TIE1: variants seen among roughly 807,000 people sequenced by gnomAD.
The protein encoded by TIE1 is tyrosine-protein kinase receptor Tie-1.
In TIE1, 89 loss-of-function variants were observed where a neutral mutation model predicts 130.5. The ratio of observed to expected loss-of-function variants is 0.68; its 90% CI spans 0.57 to 0.81. The LOEUF is 0.81. Among genes scored for constraint, TIE1 ranks in the 40% least tolerant of loss-of-function variants. The pLI is 0.00. For missense variants in TIE1, 1,392 were observed against 1,559.8 expected (o/e 0.89, Z 1.81); for synonymous variants, 568 against 629.4 (o/e 0.90, Z 1.46).
rs950460846 is a variant in TIE1 at position 43,314,053 on chromosome 1, T to G, written c.2409+85T>G. On this transcript the variant is annotated intron_variant, in intron 14 of 22. Transcript: ENST00000372476. The stretch of plus-strand genomic sequence containing the variant: ...GTGTACACACAATACCTTGTACACC[T>G]TGTGTGTGTGTGTGTGTGTGTGTTT... 10 of 1,243,642 alleles carry G rather than the reference T, an allele frequency of 8.0e-6. No individual in the cohort carries two copies. In the African/African-American group the frequency reaches 1.1e-4, roughly 13 times the overall value. The allele number at this position is 1,243,642 out of a possible 1,614,324, so 77.0% of individuals were successfully genotyped here. A position where few individuals can be genotyped will look rare whatever the true frequency, so the allele number is the denominator to read the frequency against.
At chr1:43,308,076 G>T (rs897911419) in intron 7 of TIE1, 152 bp downstream of exon 7, 3 of 1,218,052 alleles carry the variant, frequency 2.5e-6, no homozygotes, top group Non-Finnish European at 3.4e-6. Context: ...GGGAGCTCTG[G>T]CAGGGAGTCA....
chr1:43,316,463 T>A lies in TIE1; in HGVS notation c.2410-736T>A, dbSNP rs1417097408. 1.3e-5 allele frequency among the ~76,000 whole-genome samples: 2 copies of A among 152,232 alleles called. No individual in the cohort carries two copies. Among genetic ancestry groups the A allele is most frequent in the Non-Finnish European group, 2.9e-5 (2 of 68,034 alleles). Reference sequence around the variant, plus strand: ...CATATTGGCAGTTTCTTTGGTCCTGTTCACTTATTTCCTTTTCCCACCATC... The same window carrying A: ...CATATTGGCAGTTTCTTTGGTCCTGATCACTTATTTCCTTTTCCCACCATC... On this transcript the variant is annotated intron_variant, in intron 14 of 22. Coordinates refer to ENST00000372476, the MANE Select transcript of TIE1 (RefSeq NM_005424.5). This position sits in a 1 kb window ranked among gnomAD's most constrained non-coding sequence, Gnocchi z 4.4.
chr1:43,309,068 AG>A lies in TIE1; in HGVS notation c.1128del (p.Asn377ThrfsTer9). 6.2e-7 allele frequency: 1 copy of A among 1,613,992 alleles called. No individual in the cohort carries two copies. Among genetic ancestry groups the A allele is most frequent in the Non-Finnish European group, 8.5e-7 (1 of 1,179,914 alleles). On this transcript the variant is annotated frameshift_variant, in exon 8 of 23. Coordinates refer to ENST00000372476, the MANE Select transcript of TIE1 (RefSeq NM_005424.5). LOFTEE classifies it high-confidence loss of function. This position sits in a 1 kb window ranked among gnomAD's most constrained non-coding sequence, Gnocchi z 6.3. Reference sequence around the variant, plus strand: ...TGCCCCGGATCAACTGTGCAGCTGCAGGGAACCCCTTCCCCGTGCGGGGCAG... The same window carrying A: ...TGCCCCGGATCAACTGTGCAGCTGCAGGAACCCCTTCCCCGTGCGGGGCAG... Reference protein sequence around the residue: ...TMPRINCAAAGNPFPVRGSIE... With the variant: ...TMPRINCAAAXNPFPVRGSIE...
chr1:43,301,887 A>T (rs1295885958), intron 1 of TIE1, among the ~76,000 whole-genome samples: 2 of 152,188 alleles, frequency 1.3e-5, no homozygotes, highest in Admixed American at 1.3e-4. Context: ...AAAGATGGTA[A>T]AATTTATTTT....
chr1:43,322,098 A>T lies in TIE1; in HGVS notation c.3345+383A>T, dbSNP rs943542694. Among the ~76,000 whole-genome samples, 17 of 152,234 alleles carry T rather than the reference A, an allele frequency of 1.1e-4. No homozygotes were observed. The highest frequency in any genetic ancestry group is 4.1e-4 in the African/African-American group (17 of 41,466). On this transcript the variant is annotated intron_variant, in intron 22 of 22. Coordinates refer to ENST00000372476, the MANE Select transcript of TIE1 (RefSeq NM_005424.5). This position sits in a 1 kb window ranked among gnomAD's most constrained non-coding sequence, Gnocchi z 4.0. ...ACTAACCAGATGGATGGATGGGTGAATGAGTGATACAGTAACCGTATGAAT... is the reference window on the plus strand; with the variant it reads ...ACTAACCAGATGGATGGATGGGTGATTGAGTGATACAGTAACCGTATGAAT...
At chr1:43,302,083 G>C (rs1003316972) in intron 1 of TIE1, among the ~76,000 whole-genome samples, 1 of 152,256 alleles carries the variant, frequency 6.6e-6, no homozygotes, top group African/African-American at 2.4e-5. Flanking sequence ...AGGATCTGTG[G>C]AGGGCCATTT....
rs1474371603 is a variant in TIE1 at position 43,304,950 on chromosome 1, G to T, written c.158G>T (p.Gly53Val). The change falls in exon 2 of 23, where the codon GGC becomes GTC. Residue 53 changes from glycine to valine, a missense_variant. Physicochemically the swap from Gly to Val is moderately radical, Grantham distance 109 (BLOSUM62 -3). Coordinates refer to ENST00000372476, the MANE Select transcript of TIE1 (RefSeq NM_005424.5). ...CVSGEAGAGR[G>V]SDAWGPPLLL... Reference sequence around the variant, plus strand: ...TCTGGGGAGGCCGGGGCGGGGAGGGGCTCGGACGCCTGGGGCCCGCCCCTG... The same window carrying T: ...TCTGGGGAGGCCGGGGCGGGGAGGGTCTCGGACGCCTGGGGCCCGCCCCTG... 8 of 1,452,762 alleles carry T rather than the reference G, an allele frequency of 5.5e-6. No individual in the cohort carries two copies. The highest frequency in any genetic ancestry group is 2.8e-5 in the Admixed American group (1 of 36,348). 90.0% of individuals were successfully genotyped at this position (1,452,762 alleles called of 1,614,324 possible).
rs1231464604 is a variant in TIE1 at position 43,309,908 on chromosome 1, G to A, written c.1333+376G>A. Among the ~76,000 whole-genome samples, 2 of 152,096 alleles carry A rather than the reference G, an allele frequency of 1.3e-5. No individual in the cohort carries two copies. On this transcript the variant is annotated intron_variant, in intron 9 of 22. Coordinates refer to ENST00000372476, the MANE Select transcript of TIE1 (RefSeq NM_005424.5). This position sits in a 1 kb window ranked among gnomAD's most constrained non-coding sequence, Gnocchi z 6.3. Reference sequence around the variant, plus strand: ...CCACAGACACTCAGTGCTAGCCCAGGGGAGCATATGGGGCTATGGAGCTCA... The same window carrying A: ...CCACAGACACTCAGTGCTAGCCCAGAGGAGCATATGGGGCTATGGAGCTCA...
At position 43,307,756 on chromosome 1, in the gene TIE1, C is replaced by T; in HGVS notation, c.914-40C>T. On this transcript the variant is annotated intron_variant, in intron 6 of 22. Coordinates refer to ENST00000372476, the MANE Select transcript of TIE1 (RefSeq NM_005424.5). This position sits in a 1 kb window ranked among gnomAD's most constrained non-coding sequence, Gnocchi z 5.4. ...CCCTCATCTGTGCCCTCATTGCCCC[C>T]TGTCCCATGCCCCTCTAATCATACC... The T allele has an allele frequency of 6.2e-7, 1 of 1,612,498 alleles. No homozygotes were observed. The highest frequency in any genetic ancestry group is 8.5e-7 in the Non-Finnish European group (1 of 1,178,824).
chr1:43,307,436 C>G lies in TIE1; in HGVS notation c.777C>G (p.Cys259Trp). 1 of 1,614,138 alleles carries G rather than the reference C, an allele frequency of 6.2e-7. No homozygotes were observed. The highest frequency in any genetic ancestry group is 8.5e-7 in the Non-Finnish European group (1 of 1,180,016). Residue 259 changes from cysteine (C) to tryptophan (W), a missense_variant, in exon 6 of 23, where the codon TGC becomes TGG. Physicochemically the swap from Cys to Trp is radical, Grantham distance 215. Coordinates refer to ENST00000372476, the MANE Select transcript of TIE1 (RefSeq NM_005424.5). The surrounding 1 kb of genome is among the most constrained non-coding windows in gnomAD (Gnocchi z 5.4). The stretch of plus-strand genomic sequence containing the variant: ...CCCCACACACTCTCTTTCTAGCCTG[C>G]AGAGAGGGCCGTTTTGGGCAGAGCT... ...GFTGTRCEQA[C>W]REGRFGQSCQ...
At position 43,305,286 on chromosome 1, in the gene TIE1, G is replaced by C. The variant is rs749447904; in HGVS notation, c.427G>C (p.Val143Leu). The change falls in exon 3 of 23, where the codon GTA becomes CTA. Residue 143 changes from valine (V) to leucine (L), a missense_variant. Physicochemically the swap from Val to Leu is conservative, Grantham distance 32 (BLOSUM62 1). This residue lies in a region of TIE1 where 415 missense variants were observed against 424.8 expected (regional missense o/e 0.98). Transcript: ENST00000372476. ...CACTGTGAACAAAGGTGACACCGCTGTACTTTCTGCACGTGTGCACAAGGA... is the reference window on the plus strand; with the variant it reads ...CACTGTGAACAAAGGTGACACCGCTCTACTTTCTGCACGTGTGCACAAGGA... ...THTVNKGDTA[V>L]LSARVHKEKQ... 2 of 1,608,650 alleles carry C rather than the reference G, an allele frequency of 1.2e-6. No individual in the cohort carries two copies. Among genetic ancestry groups the C allele is most frequent in the Non-Finnish European group, 1.7e-6 (2 of 1,175,808 alleles).
Position 43,306,729 on chromosome 1 carries a change from T to A in TIE1, c.485-111T>A. 1 of 1,382,296 alleles carries A rather than the reference T, an allele frequency of 7.2e-7. No individual in the cohort carries two copies. Among genetic ancestry groups the A allele is most frequent in the Non-Finnish European group, 9.8e-7 (1 of 1,023,082 alleles). The allele number at this position is 1,382,296 out of a possible 1,614,324, so 85.6% of individuals were successfully genotyped here. On this transcript the variant is annotated intron_variant, in intron 3 of 22. Transcript: ENST00000372476. The surrounding 1 kb of genome is among the most constrained non-coding windows in gnomAD (Gnocchi z 4.9). ...AGGCTCTCGTGGTGCCGGCCCTAGG[T>A]CTCATCACTGTGCATGGGGCTCATT... is the stretch of plus-strand genomic sequence containing the variant.
At chr1:43,314,290 C>T (rs967280737) in intron 14 of TIE1, 102 of 1,004,350 alleles carry the variant, frequency 1.0e-4, no homozygotes, top group Middle Eastern at 8.1e-4. Flanking sequence ...CCTCTCCCCT[C>T]TTTTATTTCT....
chr1:43,320,836 CAG>C, intron 19 of TIE1: 1 of 151,396 alleles, frequency 6.6e-6, no homozygotes, highest in East Asian at 1.9e-4. Context: ...GCCTGGGCGA[CAG>C]AGCGAGACTC....
chr1:43,307,062 G>A lies in TIE1; in HGVS notation c.640+67G>A, dbSNP rs757268514. The A allele has an allele frequency of 1.9e-6, 3 of 1,612,706 alleles. No individual in the cohort carries two copies. Among genetic ancestry groups the A allele is most frequent in the South Asian group, 1.1e-5 (1 of 91,062 alleles). ...TGGGAGCCCTATGGGTACTTCCTGT[G>A]GGTCCCCTGGAGCCCCTGGATCTCC... On this transcript the variant is annotated intron_variant, in intron 4 of 22. Transcript: ENST00000372476. The surrounding 1 kb of genome is among the most constrained non-coding windows in gnomAD (Gnocchi z 5.4).
chr1:43,317,623 T>C lies in TIE1; in HGVS notation c.2680T>C (p.Leu894=), dbSNP rs768654195. ...GGGAGAACTGGAAGTTCTGTGCAAA[T>C]TGGGGCATCACCCCAACATCATCAA... The part of the protein sequence containing the change: ...FAGELEVLCK[L]GHHPNIINLL... Residue 894 remains leucine (L), a synonymous_variant, in exon 16 of 23, where the codon TTG becomes CTG. Transcript: ENST00000372476. This position sits in a 1 kb window ranked among gnomAD's most constrained non-coding sequence, Gnocchi z 5.1. 17 of 1,607,948 alleles carry C rather than the reference T, an allele frequency of 1.1e-5. No individual in the cohort carries two copies. The highest frequency in any genetic ancestry group is 2.2e-5 in the South Asian group (2 of 90,210).
In TIE1 at chr1:43,309,645, C is replaced by G; in HGVS notation, c.1333+113C>G. 7.3e-7 allele frequency: 1 copy of G among 1,365,332 alleles called. No individual in the cohort carries two copies. Among genetic ancestry groups the G allele is most frequent in the East Asian group, 2.6e-5 (1 of 37,924 alleles). 84.6% of individuals were successfully genotyped at this position (1,365,332 alleles called of 1,614,324 possible). A position where few individuals can be genotyped will look rare whatever the true frequency, so the allele number is the denominator to read the frequency against. ...AGGACAAGGACATCTAAGGTCATAG[C>G]CTAGCACCAGACAAAAAGCGGGGTT... On this transcript the variant is annotated intron_variant, in intron 9 of 22. Transcript: ENST00000372476. This position sits in a 1 kb window ranked among gnomAD's most constrained non-coding sequence, Gnocchi z 6.3.
Position 43,312,093 on chromosome 1 carries a change from C to A in TIE1, c.1592C>A (p.Ala531Asp). ...CGGCCAGGGGAAGGAGGAGAGGGGG[C>A]CTGGGGGCCTCCCACCCTCATGACC... is the stretch of plus-strand genomic sequence containing the variant. ...LSRPGEGGEG[A>D]WGPPTLMTTD... The change falls in exon 11 of 23, where the codon GCC (alanine) becomes GAC (aspartate). Residue 531 changes from alanine to aspartate, a missense_variant. Ala to Asp is a moderately radical substitution (Grantham distance 126). Around this residue, in one of 6 missense-constraint regions of TIE1, gnomAD observed 551 missense variants for 565.5 expected, o/e 0.97. Coordinates refer to ENST00000372476, the MANE Select transcript of TIE1 (RefSeq NM_005424.5). This position sits in a 1 kb window ranked among gnomAD's most constrained non-coding sequence, Gnocchi z 5.6. 1 of 1,587,988 alleles carries A rather than the reference C, an allele frequency of 6.3e-7. No individual in the cohort carries two copies.
Position 43,309,612 on chromosome 1 carries a change from T to C in TIE1, c.1333+80T>C. The C allele has an allele frequency of 6.8e-7, 1 of 1,475,022 alleles. No individual in the cohort carries two copies. The highest frequency in any genetic ancestry group is 9.0e-7 in the Non-Finnish European group (1 of 1,111,296). 91.4% of individuals were successfully genotyped at this position (1,475,022 alleles called of 1,614,324 possible). On this transcript the variant is annotated intron_variant, in intron 9 of 22. Transcript: ENST00000372476. This position sits in a 1 kb window ranked among gnomAD's most constrained non-coding sequence, Gnocchi z 6.3. ...ATGATGCTGCTCAGGCTGGAGATACTAGCAGGAAGGACAAGGACATCTAAG... is the reference window on the plus strand; with the variant it reads ...ATGATGCTGCTCAGGCTGGAGATACCAGCAGGAAGGACAAGGACATCTAAG...
Sources: allele counts gnomAD v4.1 joint callset (sites outside exome capture counted in the v4.1 genomes callset), GRCh38; gene constraint gnomAD v4.1.1; regional missense constraint gnomAD v4.1.1; non-coding constraint Gnocchi (gnomAD v3.1); transcripts MANE v1.5; gene names NCBI Gene and HGNC (gene_info 2026-07-23, HGNC 2026-07-21).